CD101: variants seen among roughly 807,000 people sequenced by gnomAD.
CD101 encodes immunoglobulin superfamily member 2.
In CD101, 76 loss-of-function variants were observed where a neutral mutation model predicts 98.2. The ratio of observed to expected loss-of-function variants is 0.77; its 90% CI spans 0.64 to 0.94. The LOEUF (loss-of-function observed/expected upper bound fraction) is 0.94, where lower values mean the gene tolerates loss of function less well. Ranked by LOEUF, CD101 falls within the 40% of genes least tolerant of loss-of-function variation. The pLI is 0.00. For missense variants in CD101, 1,145 were observed against 1,218.8 expected, an observed-to-expected ratio of 0.94 and a Z score of 0.90; for synonymous variants, 471 against 472.7, an observed-to-expected ratio of 1.00 and a Z score of 0.05.
At chr1:117,013,374 C>T in intron 3 of CD101, 32 bp from the exon 4 acceptor site, 2 of 1,575,956 alleles carry the variant, frequency 1.3e-6, no homozygotes. Flanking sequence ...GCTGTGGGCT[C>T]TCTAAATACC....
At chr1:117,007,863 C>T (rs1238726801) in intron 1 of CD101, among the ~76,000 whole-genome samples, 1 of 152,084 alleles carries the variant, frequency 6.6e-6, no homozygotes, top group Non-Finnish European at 1.5e-5. Flanking sequence ...TATAACATTC[C>T]ACTTTATGAC....
At position 117,018,048 on chromosome 1, in the gene CD101, G is replaced by A. The variant is rs1029466215; in HGVS notation, c.1613-108G>A. 27 of 993,566 alleles carry A rather than the reference G, an allele frequency of 2.7e-5. No individual in the cohort carries two copies. The African/African-American group carries it at 3.3e-4, about 12-fold the overall frequency. 61.5% of individuals were successfully genotyped at this position (993,566 alleles called of 1,614,324 possible). ...CTCTATAAAATAGGAAACTCCAAAT[G>A]TACAAATGCATGGTCCTAGTCAAAG... On this transcript the variant is annotated intron_variant, in intron 5 of 9. Transcript: ENST00000682167. This position sits in a 1 kb window ranked among gnomAD's most constrained non-coding sequence, Gnocchi z 4.3.
At chr1:117,032,083 G>T (rs758780565) in intron 8 of CD101, 3 of 152,184 alleles carry the variant, frequency 2.0e-5, no homozygotes, top group Non-Finnish European at 2.9e-5. Flanking sequence ...GGATGGTAAA[G>T]AATTCAAAAC....
chr1:117,001,823 AGGCATCTCATATGT>A lies in CD101; in HGVS notation c.14_27del (p.Ser5PhefsTer7). 3 of 1,614,136 alleles carry A rather than the reference AGGCATCTCATATGT, an allele frequency of 1.9e-6. No individual in the cohort carries two copies. The highest frequency in any genetic ancestry group is 2.5e-6 in the Non-Finnish European group (3 of 1,179,968). ...AAAGGACTGTGCTGGCCCAAATGGC[AGGCATCTCATATGT>A]GGCATCTTTCTTTCTCCTTCTGAGT... On this transcript the variant is annotated frameshift_variant, in exon 1 of 10. Coordinates refer to ENST00000682167, the MANE Select transcript of CD101 (RefSeq NM_001256106.3). LOFTEE classifies it high-confidence loss of function.
At position 117,023,218 on chromosome 1, in the gene CD101, T is replaced by G. The variant is rs1231431736; in HGVS notation, c.2428+1235T>G. Among the ~76,000 whole-genome samples the G allele has an allele frequency of 2.0e-5, 3 of 152,170 alleles. No homozygotes were observed. The highest frequency in any genetic ancestry group is 2.9e-5 in the Non-Finnish European group (2 of 68,032). On this transcript the variant is annotated intron_variant, in intron 7 of 9. Transcript: ENST00000682167. The surrounding 1 kb of genome is among the most constrained non-coding windows in gnomAD (Gnocchi z 4.4). ...GCATTTCCCATCTGTGTGATTGGCA[T>G]TCTGTCTCCCAGTCATCCACACCAA...
chr1:117,027,856 G>C (rs1654048056), intron 8 of CD101, among the ~76,000 whole-genome samples: 1 of 152,156 alleles, frequency 6.6e-6, no homozygotes, highest in Non-Finnish European at 1.5e-5. Flanking sequence ...GGCCAAGGCG[G>C]GCGGGTCACC....
rs1436284387 is a variant in CD101 at position 117,018,370 on chromosome 1, G to A, written c.1827G>A (p.Arg609=). ...TTGAATGGGGGAATTTCCTATCCCG[G>A]TTCCAAAAGAAGACGAAAGTGTCGC... The part of the protein sequence containing the change: ...GTIEWGNFLS[R]FQKKTKVSQS... Residue 609 remains arginine, a synonymous_variant, in exon 6 of 10, where the codon CGG becomes CGA. Transcript: ENST00000682167. The surrounding 1 kb of genome is among the most constrained non-coding windows in gnomAD (Gnocchi z 4.3). 6.2e-7 allele frequency: 1 copy of A among 1,614,118 alleles called. No individual in the cohort carries two copies. Among genetic ancestry groups the A allele is most frequent in the South Asian group, 1.1e-5 (1 of 91,076 alleles).
intron 3 of CD101, 151 bp from the exon 4 acceptor site, chr1:117,013,255 T>G (rs528885792): frequency 8.3e-6 from 7 of 844,110 alleles, no homozygotes; most frequent in East Asian, 5.2e-5. Context: ...AAGGATTTTG[T>G]TTTTTTTGGG....
Position 117,011,763 on chromosome 1 carries a change from A to T in CD101, c.638A>T (p.Tyr213Phe). The T allele has an allele frequency of 6.2e-7, 1 of 1,614,146 alleles. No homozygotes were observed. Among genetic ancestry groups the T allele is most frequent in the South Asian group, 1.1e-5 (1 of 91,080 alleles). Residue 213 changes from tyrosine to phenylalanine, a missense_variant, in exon 3 of 10, where the codon TAT (tyrosine) becomes TTT (phenylalanine). Transcript: ENST00000682167. ...KDFILVPGPL[Y>F]TERFAASDVQ... The stretch of plus-strand genomic sequence containing the variant: ...TTTATATTGGTCCCTGGGCCCTTGT[A>T]TACAGAGCGGTTTGCAGCCAGTGAC...
At chr1:117,028,033 C>T (rs566620775) in intron 8 of CD101, among the ~76,000 whole-genome samples, 1 of 152,042 alleles carries the variant, frequency 6.6e-6, no homozygotes, top group African/African-American at 2.4e-5. Flanking sequence ...TGCGGTGAGC[C>T]GAGATCACGC....
rs1653631218 is a variant in CD101 at position 117,022,255 on chromosome 1, C to G, written c.2428+272C>G. Among the ~76,000 whole-genome samples the G allele has an allele frequency of 6.6e-6, 1 of 152,196 alleles. No individual in the cohort carries two copies. Among genetic ancestry groups the G allele is most frequent in the African/African-American group, 2.4e-5 (1 of 41,440 alleles). ...CAACCTGGCAGCCTGGTCTGTGCAG[C>G]TACCCAGGGTATCGTATCTCCAGAT... On this transcript the variant is annotated intron_variant, in intron 7 of 9. Coordinates refer to ENST00000682167, the MANE Select transcript of CD101 (RefSeq NM_001256106.3). The surrounding 1 kb of genome is among the most constrained non-coding windows in gnomAD (Gnocchi z 4.8).
At position 117,029,072 on chromosome 1, in the gene CD101, G is replaced by A. The variant is rs140985991; in HGVS notation, c.2824+3168G>A. On this transcript the variant is annotated intron_variant, in intron 8 of 9. Coordinates refer to ENST00000682167, the MANE Select transcript of CD101 (RefSeq NM_001256106.3). ...GAAAGAAAGAGAGAGAGAGAGAAAGGAAGGAAGGAAGGAAGGTAGGTTAAT... is the reference window on the plus strand; with the variant it reads ...GAAAGAAAGAGAGAGAGAGAGAAAGAAAGGAAGGAAGGAAGGTAGGTTAAT... Among the ~76,000 whole-genome samples, 1,430 of 149,580 alleles carry A rather than the reference G, an allele frequency of 9.6e-3. 16 individuals are homozygous for A. Among genetic ancestry groups the A allele is most frequent in the Non-Finnish European group, 0.015 (1,033 of 67,544 alleles).
In CD101 at chr1:117,023,758, T is replaced by C. The variant is rs147709394; in HGVS notation, c.2429-1751T>C. ...CTGCAAGTGTCAAGCAGAACATACCTGTGGGCTTGGTGTGGCTGTGGACTT... is the reference window on the plus strand; with the variant it reads ...CTGCAAGTGTCAAGCAGAACATACCCGTGGGCTTGGTGTGGCTGTGGACTT... On this transcript the variant is annotated intron_variant, in intron 7 of 9. Transcript: ENST00000682167. This position sits in a 1 kb window ranked among gnomAD's most constrained non-coding sequence, Gnocchi z 4.4. Among the ~76,000 whole-genome samples, 426 of 152,178 alleles carry C rather than the reference T, an allele frequency of 2.8e-3. 6 individuals are homozygous for C. The highest frequency in any genetic ancestry group is 0.022 in the East Asian group (114 of 5,170).
At chr1:117,013,886 T>C in intron 4 of CD101, 94 bp downstream of exon 4, 1 of 1,331,780 alleles carries the variant, frequency 7.5e-7, no homozygotes, top group South Asian at 1.5e-5. Flanking sequence ...GGGATCTTCA[T>C]GAAGAGCAGG....
chr1:117,029,293 C>A (rs1231495714), intron 8 of CD101, among the ~76,000 whole-genome samples: 1 of 138,764 alleles, frequency 7.2e-6, no homozygotes, highest in Non-Finnish European at 1.6e-5. Context: ...GGTTGACAGT[C>A]CAACATCTGA....
chr1:117,023,796 G>A lies in CD101; in HGVS notation c.2429-1713G>A, dbSNP rs531039898. Among the ~76,000 whole-genome samples the A allele has an allele frequency of 2.0e-3, 306 of 152,198 alleles. No homozygotes were observed. The highest frequency in any genetic ancestry group is 7.1e-3 in the African/African-American group (296 of 41,522). On this transcript the variant is annotated intron_variant, in intron 7 of 9. Coordinates refer to ENST00000682167, the MANE Select transcript of CD101 (RefSeq NM_001256106.3). The surrounding 1 kb of genome is among the most constrained non-coding windows in gnomAD (Gnocchi z 4.4). ...TGGCTGTGGACTTCCGGTTGTGCAC[G>A]TCATTTAGGGAACAAGTTAACCAAG... is the stretch of plus-strand genomic sequence containing the variant.
chr1:117,030,500 A>T (rs1654391801), intron 8 of CD101, among the ~76,000 whole-genome samples: 1 of 151,992 alleles, frequency 6.6e-6, no homozygotes, highest in African/African-American at 2.4e-5. Flanking sequence ...GAGAAAGGGA[A>T]AGGGGAGAAG....
rs1474868570 is a variant in CD101 at position 117,022,488 on chromosome 1, C to T, written c.2428+505C>T. 6.6e-6 allele frequency among the ~76,000 whole-genome samples: 1 copy of T among 152,148 alleles called. No individual in the cohort carries two copies. Among genetic ancestry groups the T allele is most frequent in the Non-Finnish European group, 1.5e-5 (1 of 68,024 alleles). On this transcript the variant is annotated intron_variant, in intron 7 of 9. Coordinates refer to ENST00000682167, the MANE Select transcript of CD101 (RefSeq NM_001256106.3). This position sits in a 1 kb window ranked among gnomAD's most constrained non-coding sequence, Gnocchi z 4.8. ...TTGGAATGGCTTACTGAGGGAGTCT[C>T]CTCTTCCTCAGGAGATCTTTAAAAA...
Position 117,004,879 on chromosome 1 carries a change from A to C in CD101, c.43+3019A>C, listed in dbSNP as rs1357448124. On this transcript the variant is annotated intron_variant, in intron 1 of 9. Transcript: ENST00000682167. This position sits in a 1 kb window ranked among gnomAD's most constrained non-coding sequence, Gnocchi z 4.1. Reference sequence around the variant, plus strand: ...TACCATAAACTGGGGCGGGTGGGGGAGGGGGGCTTATAAACAACAGAAATT... The same window carrying C: ...TACCATAAACTGGGGCGGGTGGGGGCGGGGGGCTTATAAACAACAGAAATT... 1.1e-5 allele frequency among the ~76,000 whole-genome samples: 1 copy of C among 87,956 alleles called. No individual in the cohort carries two copies. The highest frequency in any genetic ancestry group is 2.3e-5 in the Non-Finnish European group (1 of 43,038). 57.7% of individuals were successfully genotyped at this position (87,956 alleles called of 152,430 possible).
Sources: gnomAD v4.1 joint callset for allele counts (sites outside exome capture counted in the v4.1 genomes callset) on GRCh38, gnomAD v4.1.1 for gene constraint, Gnocchi (gnomAD v3.1) non-coding constraint, MANE v1.5 for transcripts, NCBI Gene and HGNC (gene_info 2026-07-23, HGNC 2026-07-21) for gene names.